The following IL1RAPL1 variants were observed in gnomAD, a reference collection of about 807,000 sequenced individuals.
The protein encoded by IL1RAPL1 is interleukin-1 receptor accessory protein-like 1.
A neutral mutation model predicts 48.4 loss-of-function variants in IL1RAPL1; 3 were observed. The ratio of observed to expected loss-of-function variants is 0.06; its 90% CI spans 0.03 to 0.16. The LOEUF (loss-of-function observed/expected upper bound fraction) is 0.16, where lower values mean the gene tolerates loss of function less well. Among genes scored for constraint, IL1RAPL1 ranks in the 10% least tolerant of loss-of-function variants. IL1RAPL1 has a pLI of 1.00. For missense variants in IL1RAPL1, 349 were observed against 530.6 expected, an observed-to-expected ratio of 0.66 and a Z score of 3.36; for synonymous variants, 185 against 187.7, an observed-to-expected ratio of 0.99 and a Z score of 0.12.
intron 6 of IL1RAPL1, among the ~76,000 whole-genome samples, chrX:29,766,049 G>A (rs1025703784): frequency 1.1e-4 from 12 of 109,003 alleles, no homozygotes; most frequent in Non-Finnish European, 2.1e-4. Flanking sequence ...AATGATTCCC[G>A]GCTGGGCGCG....
chrX:29,683,187 A>G (rs1184986365), intron 6 of IL1RAPL1, among the ~76,000 whole-genome samples: 2 of 112,085 alleles, frequency 1.8e-5, no homozygotes, highest in Non-Finnish European at 3.8e-5. Context: ...TACTGGGCAC[A>G]AGGTCTGGTC....
intron 2 of IL1RAPL1, among the ~76,000 whole-genome samples, chrX:29,113,567 G>A (rs531898710): frequency 8.9e-6 from 1 of 111,965 alleles, no homozygotes; most frequent in African/African-American, 3.2e-5. Flanking sequence ...ATGTCTTTCA[G>A]TATACTTTAC....
At chrX:29,258,537 C>T (rs1931795623) in intron 2 of IL1RAPL1, among the ~76,000 whole-genome samples, 1 of 111,027 alleles carries the variant, frequency 9.0e-6, no homozygotes, top group African/African-American at 3.3e-5. Context: ...TTTCACCAAT[C>T]AGGGATCACT....
chrX:29,261,614 T>A (rs1267319213), intron 2 of IL1RAPL1, among the ~76,000 whole-genome samples: 1 of 111,079 alleles, frequency 9.0e-6, no homozygotes, highest in Non-Finnish European at 1.9e-5. Context: ...ACATTTAGAA[T>A]AAAATCCACC....
intron 1 of IL1RAPL1, among the ~76,000 whole-genome samples, chrX:28,674,127 A>T (rs777318123): frequency 8.9e-6 from 1 of 111,990 alleles, no homozygotes; most frequent in African/African-American, 3.2e-5. Context: ...TAAAAATTGT[A>T]TTGACTTCTC....
intron 2 of IL1RAPL1, among the ~76,000 whole-genome samples, chrX:28,958,476 A>G (rs773021911): frequency 9.8e-5 from 11 of 111,826 alleles, no homozygotes; most frequent in Non-Finnish European, 1.9e-5. Flanking sequence ...TACTATAGAC[A>G]TGCATGCAAA....
At chrX:29,821,432 A>G (rs1198258359) in intron 6 of IL1RAPL1, among the ~76,000 whole-genome samples, 3 of 107,622 alleles carry the variant, frequency 2.8e-5, no homozygotes, top group African/African-American at 6.8e-5. Context: ...CCTGGGTGAC[A>G]GAGCGAGACT....
intron 2 of IL1RAPL1, among the ~76,000 whole-genome samples, chrX:29,063,957 A>C (rs1485009986): frequency 8.9e-6 from 1 of 111,898 alleles, no homozygotes; most frequent in Non-Finnish European, 1.9e-5. Context: ...CCACTAACAC[A>C]ATCAGACTTT....
intron 1 of IL1RAPL1, among the ~76,000 whole-genome samples, chrX:28,778,180 A>T (rs934019919): frequency 8.9e-6 from 1 of 111,868 alleles, no homozygotes; most frequent in South Asian, 3.7e-4. Context: ...GAAAAATAAA[A>T]CTAAAAAATT....
At chrX:28,719,975 T>C (rs1052221414) in intron 1 of IL1RAPL1, among the ~76,000 whole-genome samples, 3 of 111,025 alleles carry the variant, frequency 2.7e-5, no homozygotes, top group African/African-American at 9.8e-5. Flanking sequence ...TTTTTTCCTA[T>C]TTAGTGACTA....
chrX:29,603,875 A>G (rs1340898943), intron 5 of IL1RAPL1, among the ~76,000 whole-genome samples: 1 of 112,436 alleles, frequency 8.9e-6, no homozygotes, highest in Non-Finnish European at 1.9e-5. Flanking sequence ...TATTGATTTA[A>G]TATATTCTAG....
At chrX:29,762,065 G>A (rs1324153400) in intron 6 of IL1RAPL1, among the ~76,000 whole-genome samples, 1 of 111,644 alleles carries the variant, frequency 9.0e-6, no homozygotes, top group Non-Finnish European at 1.9e-5. Context: ...TGGCAAATTC[G>A]TGAGCAATCT....
intron 9 of IL1RAPL1, among the ~76,000 whole-genome samples, chrX:29,952,485 T>C (rs901911949): frequency 2.7e-5 from 3 of 112,018 alleles, no homozygotes; most frequent in Admixed American, 1.9e-4. Flanking sequence ...TGACCAATAT[T>C]GTAAAGAAAG....
chrX:28,734,023 C>T (rs181382571), intron 1 of IL1RAPL1, among the ~76,000 whole-genome samples: 1 of 111,554 alleles, frequency 9.0e-6, no homozygotes, highest in Non-Finnish European at 1.9e-5. Context: ...TCACTCCTCT[C>T]ATTTTGTTAT....
chrX:28,737,186 C>CTTT (rs1569161874), intron 1 of IL1RAPL1, among the ~76,000 whole-genome samples: 9 of 52,397 alleles, frequency 1.7e-4, no homozygotes, highest in African/African-American at 4.3e-4. Context: ...TCCTTTCTTT[C>CTTT]CTTTCTCTTT....
At chrX:29,489,783 G>A (rs1342726088) in intron 5 of IL1RAPL1, among the ~76,000 whole-genome samples, 1 of 111,792 alleles carries the variant, frequency 8.9e-6, no homozygotes, top group Admixed American at 9.5e-5. Flanking sequence ...CGTGCAGATA[G>A]TTACTAGTAT....
intron 3 of IL1RAPL1, among the ~76,000 whole-genome samples, chrX:29,326,499 G>A: frequency 8.9e-6 from 1 of 112,507 alleles, no homozygotes. Flanking sequence ...TTTAGAATCT[G>A]TGTTTACCTT....
chrX:28,921,153 G>A (rs986207726), intron 2 of IL1RAPL1, among the ~76,000 whole-genome samples: 1 of 110,362 alleles, frequency 9.1e-6, no homozygotes, highest in African/African-American at 3.3e-5. Context: ...AAAAACGAGT[G>A]GAACTATAGT....
At chrX:28,937,391 C>T (rs1484677411) in intron 2 of IL1RAPL1, among the ~76,000 whole-genome samples, 1 of 110,736 alleles carries the variant, frequency 9.0e-6, no homozygotes, top group African/African-American at 3.3e-5. Flanking sequence ...AAGGTAACTC[C>T]AGTGAGGTAG....
Sources: gnomAD v4.1 joint callset for allele counts (sites outside exome capture counted in the v4.1 genomes callset) on GRCh38, gnomAD v4.1.1 for gene constraint, MANE v1.5 for transcripts, NCBI Gene and HGNC (gene_info 2026-07-23, HGNC 2026-07-21) for gene names.